The following TRPC7 variants were observed in gnomAD, a reference collection of about 807,000 sequenced individuals.
TRPC7 encodes the protein transient receptor potential cation channel subfamily C member 7, also known as short transient receptor potential channel 7.
Under a neutral mutation model 90.1 loss-of-function variants are expected in TRPC7, and 42 were observed. The observed-to-expected ratio is 0.47, with a 90% CI of 0.36 to 0.60. The LOEUF (loss-of-function observed/expected upper bound fraction) is 0.60. TRPC7 is among the 20% of genes least tolerant of loss of function. TRPC7 has a pLI of 0.00. For synonymous variants in TRPC7, 451 were observed against 436.3 expected, an observed-to-expected ratio of 1.03 and a Z score of -0.42; for missense variants, 955 against 1,112.3, an observed-to-expected ratio of 0.86 and a Z score of 2.01.
At chr5:136,226,833 A>C (rs1755646838) in intron 8 of TRPC7, among the ~76,000 whole-genome samples, 1 of 152,248 alleles carries the variant, frequency 6.6e-6, no homozygotes, top group East Asian at 1.9e-4. Flanking sequence ...TAAGCATTAT[A>C]AAACAATATT....
chr5:136,321,564 A>C (rs1268259319), intron 2 of TRPC7, among the ~76,000 whole-genome samples: 2 of 152,220 alleles, frequency 1.3e-5, no homozygotes, highest in Non-Finnish European at 2.9e-5. Context: ...TAAATAACAC[A>C]AATAACAAGA....
chr5:136,243,668 C>CT (rs1180866228), intron 7 of TRPC7, among the ~76,000 whole-genome samples: 314 of 140,826 alleles, frequency 2.2e-3, no homozygotes, highest in East Asian at 0.011. Context: ...TCTCACATGG[C>CT]TTTTTTTTTT....
chr5:136,361,142 C>T (rs1402995333), intron 1 of TRPC7, among the ~76,000 whole-genome samples: 1 of 151,968 alleles, frequency 6.6e-6, no homozygotes, highest in Non-Finnish European at 1.5e-5. Context: ...GTTTTAGGGC[C>T]AATGATAAGC....
intron 4 of TRPC7, among the ~76,000 whole-genome samples, chr5:136,269,772 C>T (rs529851045): frequency 6.6e-6 from 1 of 152,246 alleles, no homozygotes; most frequent in Admixed American, 6.5e-5. Context: ...CAAGATGCTC[C>T]CCCTGAAACT....
chr5:136,293,731 A>G (rs1758050897), intron 3 of TRPC7, among the ~76,000 whole-genome samples: 2 of 152,178 alleles, frequency 1.3e-5, no homozygotes, highest in Admixed American at 6.5e-5. Flanking sequence ...TAATTTATAG[A>G]TTCAGTGCCA....
At chr5:136,278,282 G>A (rs1580892515) in intron 3 of TRPC7, among the ~76,000 whole-genome samples, 1 of 152,212 alleles carries the variant, frequency 6.6e-6, no homozygotes, top group South Asian at 2.1e-4. Flanking sequence ...GGTCTTTAGC[G>A]TGGTGTTCAC....
At chr5:136,285,884 C>T (rs748505978) in intron 3 of TRPC7, among the ~76,000 whole-genome samples, 4 of 152,200 alleles carry the variant, frequency 2.6e-5, no homozygotes, top group African/African-American at 7.2e-5. Flanking sequence ...TCCTTGACAA[C>T]CCTGCCCAAA....
At chr5:136,313,162 C>G (rs898381695) in intron 3 of TRPC7, among the ~76,000 whole-genome samples, 1 of 151,988 alleles carries the variant, frequency 6.6e-6, no homozygotes, top group African/African-American at 2.4e-5. Flanking sequence ...AAAACAAAAA[C>G]AAAAGCTGTT....
At chr5:136,335,674 C>T (rs576545762) in intron 2 of TRPC7, among the ~76,000 whole-genome samples, 4 of 151,802 alleles carry the variant, frequency 2.6e-5, no homozygotes, top group East Asian at 2.0e-4. Context: ...GAGGCCGAGA[C>T]GGGCAGATCA....
intron 10 of TRPC7, among the ~76,000 whole-genome samples, chr5:136,216,482 G>A (rs1755273384): frequency 6.6e-6 from 1 of 152,208 alleles, no homozygotes; most frequent in Admixed American, 6.5e-5. Context: ...GATGCAATGT[G>A]CAACTGAACC....
intron 8 of TRPC7, among the ~76,000 whole-genome samples, chr5:136,229,820 T>C (rs1755760180): frequency 6.6e-6 from 1 of 152,220 alleles, no homozygotes; most frequent in Non-Finnish European, 1.5e-5. Flanking sequence ...AGGACAGAGG[T>C]GCACCAGGAA....
chr5:136,321,394 C>T (rs532582802), intron 2 of TRPC7, among the ~76,000 whole-genome samples: 64 of 152,264 alleles, frequency 4.2e-4, no homozygotes, highest in African/African-American at 1.4e-3. Flanking sequence ...TTACTACTTG[C>T]CAGTTAATTG....
intron 2 of TRPC7, 31 bp downstream of exon 2, chr5:136,356,577 C>A: frequency 6.6e-7 from 1 of 1,504,502 alleles, no homozygotes; most frequent in Non-Finnish European, 8.9e-7. Flanking sequence ...CCTGGGCAAC[C>A]TGCCTGCAGG....
intron 1 of TRPC7, among the ~76,000 whole-genome samples, chr5:136,361,593 G>C (rs916740611): frequency 6.6e-6 from 1 of 152,106 alleles, no homozygotes; most frequent in Admixed American, 6.5e-5. Context: ...AGAAGAAAAG[G>C]CCACTTAATC....
intron 10 of TRPC7, among the ~76,000 whole-genome samples, chr5:136,221,835 T>C (rs919509127): frequency 1.3e-5 from 2 of 152,174 alleles, no homozygotes; most frequent in African/African-American, 4.8e-5. Context: ...GATTGCAGCA[T>C]AAAGATTGGA....
At chr5:136,235,872 A>C (rs535665925) in intron 7 of TRPC7, among the ~76,000 whole-genome samples, 2 of 152,284 alleles carry the variant, frequency 1.3e-5, no homozygotes, top group African/African-American at 4.8e-5. Flanking sequence ...AGGAGATGAC[A>C]CAGAGCTGGA....
intron 11 of TRPC7, 116 bp from the exon 12 acceptor site, chr5:136,213,720 A>C (rs930381575): frequency 3.4e-6 from 4 of 1,193,642 alleles, no homozygotes; most frequent in Non-Finnish European, 4.7e-6. Flanking sequence ...GGGCCAGCCC[A>C]CCAGGGTTGA....
intron 1 of TRPC7, among the ~76,000 whole-genome samples, chr5:136,363,623 C>G (rs1760635378): frequency 6.6e-6 from 1 of 152,092 alleles, no homozygotes; most frequent in African/African-American, 2.4e-5. Context: ...CCAAATAATT[C>G]TACTAATGTG....
At chr5:136,336,481 A>G (rs1203917178) in intron 2 of TRPC7, among the ~76,000 whole-genome samples, 5 of 152,310 alleles carry the variant, frequency 3.3e-5, no homozygotes, top group South Asian at 4.2e-4. Context: ...AGAAATGAGA[A>G]GCAGAAAGGG....
Sources: gnomAD v4.1 joint callset for allele counts (sites outside exome capture counted in the v4.1 genomes callset) on GRCh38, gnomAD v4.1.1 for gene constraint, MANE v1.5 for transcripts, NCBI Gene and HGNC (gene_info 2026-07-23, HGNC 2026-07-21) for gene names.